COL5A3: variants seen among roughly 807,000 people sequenced by gnomAD.
The protein encoded by COL5A3 is collagen alpha-3(V) chain.
In COL5A3, 172 loss-of-function variants were observed where a neutral mutation model predicts 250.0. The ratio of observed to expected loss-of-function variants is 0.69; its 90% CI spans 0.61 to 0.78. COL5A3 has a LOEUF of 0.78. COL5A3 is among the 30% of genes least tolerant of loss of function. The pLI is 0.00. For synonymous variants in COL5A3, 937 were observed against 900.4 expected, an observed-to-expected ratio of 1.04 and a Z score of -0.73; for missense variants, 2,340 against 2,334.4, an observed-to-expected ratio of 1.00 and a Z score of -0.05.
intron 11 of COL5A3, 166 bp downstream of exon 11, chr19:9,997,205 C>A (rs1024296842): frequency 1.5e-6 from 1 of 665,928 alleles, no homozygotes; most frequent in Non-Finnish European, 2.7e-6. Context: ...CAAGGTGAAC[C>A]AGAGAAATAG....
At chr19:9,981,032 T>C in intron 33 of COL5A3, 56 bp downstream of exon 33, 1 of 1,587,006 alleles carries the variant, frequency 6.3e-7, no homozygotes, top group South Asian at 1.1e-5. Context: ...CTACCTTTCC[T>C]TCCCAGCCCT....
chr19:10,008,865 T>C (rs932583530), intron 1 of COL5A3, among the ~76,000 whole-genome samples: 4 of 151,432 alleles, frequency 2.6e-5, no homozygotes, highest in Admixed American at 2.6e-4. Context: ...AGTGGGTGAG[T>C]GGGTGATGGG....
chr19:10,003,690 G>A lies in COL5A3; in HGVS notation c.724C>T (p.Pro242Ser), dbSNP rs1265600672. 2 of 1,614,148 alleles carry A rather than the reference G, an allele frequency of 1.2e-6. No homozygotes were observed. The highest frequency in any genetic ancestry group is 1.7e-6 in the Non-Finnish European group (2 of 1,180,030). Residue 242 changes from proline to serine, a missense_variant, in exon 6 of 67, where the codon CCT (proline) becomes TCT (serine). This residue lies in a region of COL5A3 where 1,152 missense variants were observed against 1,146.3 expected (regional missense o/e 1.00). Transcript: ENST00000264828. ...TVAPQGEPET[P>S]RPRRKGKGKG... ...CCCTTCCCCTTCCGCCGAGGACGAG[G>A]GGTTTCTGGTTCACCCTGGGGAGCC...
In COL5A3 at chr19:9,965,491, T is replaced by A. The variant is rs12610855; in HGVS notation, c.4782+823A>T. On this transcript the variant is annotated intron_variant, in intron 64 of 66. Transcript: ENST00000264828. ...TTTTTCTAGGCGGAGTCTCACTCTG[T>A]CACCCAGGCTGGAGTGCCATGGTGC... Among the ~76,000 whole-genome samples the A allele has an allele frequency of 3.3e-4, 48 of 144,300 alleles. No homozygotes were observed. In the East Asian group the frequency reaches 6.8e-3, roughly 20 times the overall value. 94.7% of individuals were successfully genotyped at this position (144,300 alleles called of 152,430 possible).
At position 10,001,584 on chromosome 19, in the gene COL5A3, G is replaced by A; in HGVS notation, c.1050C>T (p.Thr350=). The A allele has an allele frequency of 6.2e-7, 1 of 1,614,098 alleles. No individual in the cohort carries two copies. Among genetic ancestry groups the A allele is most frequent in the Non-Finnish European group, 8.5e-7 (1 of 1,180,010 alleles). The part of the protein sequence containing the change: ...AREDEEGDDS[T]MGPDFRAAEY... ...CTGCTGCCCGGAAGTCAGGGCCCAT[G>A]GTGGAATCATCTCCTTCTTCATCCT... Residue 350 remains threonine (T), a synonymous_variant, in exon 8 of 67, where the codon ACC becomes ACT. Transcript: ENST00000264828.
rs1453649792 is a variant in COL5A3 at position 9,978,644 on chromosome 19, T to C, written c.2965-17A>G. 3 of 1,537,806 alleles carry C rather than the reference T, an allele frequency of 2.0e-6. No homozygotes were observed. The Admixed American group carries it at 6.4e-5, about 33-fold the overall frequency. On this transcript the variant is annotated splice_polypyrimidine_tract_variant and intron_variant, in intron 40 of 66. Transcript: ENST00000264828. Reference sequence around the variant, plus strand: ...AGTAGGTCCCTGAAGGAGGAGATAATTCACAGTTAAGAGACTCCCAAAGGT... The same window carrying C: ...AGTAGGTCCCTGAAGGAGGAGATAACTCACAGTTAAGAGACTCCCAAAGGT...
Position 9,960,470 on chromosome 19 carries a change from A to G in COL5A3, c.5179T>C (p.Phe1727Leu), listed in dbSNP as rs1157998859. 1 of 1,614,208 alleles carries G rather than the reference A, an allele frequency of 6.2e-7. No individual in the cohort carries two copies. The highest frequency in any genetic ancestry group is 8.5e-7 in the Non-Finnish European group (1 of 1,180,044). The change falls in exon 67 of 67, where the codon TTT (phenylalanine) becomes CTT (leucine). Residue 1727 changes from phenylalanine to leucine, a missense_variant. This residue lies in a region of COL5A3 where 1,179 missense variants were observed against 1,162.6 expected (regional missense o/e 1.01). Transcript: ENST00000264828. ...LPLWDVAATD[F>L]GQTNQKFGFE... Reference sequence around the variant, plus strand: ...CCAAACTTTTGGTTCGTCTGGCCAAAGTCAGTGGCCGCCACATCCCACAGG... The same window carrying G: ...CCAAACTTTTGGTTCGTCTGGCCAAGGTCAGTGGCCGCCACATCCCACAGG...
At position 10,001,764 on chromosome 19, in the gene COL5A3, CA is replaced by C; in HGVS notation, c.963+3del. On this transcript the variant is annotated splice_donor_region_variant and intron_variant, in intron 7 of 66. Transcript: ENST00000264828. ...GGGTCTCCCCTCTTCCATCCCCATC[CA>C]ACCTCTAGGATCGTGGCATTGAGTC... 6.2e-7 allele frequency: 1 copy of C among 1,613,908 alleles called. No homozygotes were observed. The highest frequency in any genetic ancestry group is 1.1e-5 in the South Asian group (1 of 91,062).
chr19:9,980,865 C>CAAA lies in COL5A3; in HGVS notation c.2506-9_2506-7dup. 7.3e-7 allele frequency: 1 copy of CAAA among 1,360,766 alleles called. No individual in the cohort carries two copies. The highest frequency in any genetic ancestry group is 2.2e-5 in the Admixed American group (1 of 45,902). The allele number at this position is 1,360,766 out of a possible 1,614,324, so 84.3% of individuals were successfully genotyped here. ...CCCCTCTCTCCACGGGAACCCTGAACAAAAAAAAAAGGCAAAGATCAGATA... is the reference window on the plus strand; with the variant it reads ...CCCCTCTCTCCACGGGAACCCTGAACAAAAAAAAAAAAAGGCAAAGATCAGATA... On this transcript the variant is annotated splice_polypyrimidine_tract_variant and splice_region_variant and intron_variant, in intron 33 of 66. Coordinates refer to ENST00000264828, the MANE Select transcript of COL5A3 (RefSeq NM_015719.4).
chr19:9,993,140 GC>G, intron 19 of COL5A3, 73 bp from the exon 20 acceptor site: 1 of 1,502,114 alleles, frequency 6.7e-7, no homozygotes, highest in African/African-American at 1.4e-5. Context: ...CATCTGGGCA[GC>G]CCCTTCCAGG....
At chr19:9,983,913 T>TA (rs566711383) in intron 31 of COL5A3, among the ~76,000 whole-genome samples, 2,229 of 129,430 alleles carry the variant, frequency 0.017, 31 homozygotes, top group East Asian at 0.086. Context: ...ACTGAAAAAA[T>TA]AAAAAAAAAA....
In COL5A3 at chr19:9,978,925, C is replaced by T; in HGVS notation, c.2930G>A (p.Gly977Asp). 6.6e-7 allele frequency: 1 copy of T among 1,515,244 alleles called. No homozygotes were observed. The highest frequency in any genetic ancestry group is 8.8e-7 in the Non-Finnish European group (1 of 1,134,244). The allele number at this position is 1,515,244 out of a possible 1,614,324, so 93.9% of individuals were successfully genotyped here. A position where few individuals can be genotyped will look rare whatever the true frequency, so the allele number is the denominator to read the frequency against. ...AGGGCCCCCTTTGGGGCCGGGAAAGCCCCTGAGTCCAGCTGGCCCTTCTTT... is the reference window on the plus strand; with the variant it reads ...AGGGCCCCCTTTGGGGCCGGGAAAGTCCCTGAGTCCAGCTGGCCCTTCTTT... ...LGKEGPAGLR[G>D]FPGPKGGPGD... The change falls in exon 40 of 67, where the codon GGC becomes GAC. Residue 977 changes from glycine to aspartate, a missense_variant. Physicochemically the swap from Gly to Asp is moderately conservative, Grantham distance 94. This residue lies in a region of COL5A3 where 1,179 missense variants were observed against 1,162.6 expected (regional missense o/e 1.01). Coordinates refer to ENST00000264828, the MANE Select transcript of COL5A3 (RefSeq NM_015719.4).
intron 41 of COL5A3, 42 bp downstream of exon 41, chr19:9,978,532 C>A: frequency 1.5e-6 from 2 of 1,367,792 alleles, no homozygotes; most frequent in Non-Finnish European, 2.1e-6. Flanking sequence ...ACCTTGAGTC[C>A]CCTCCACCCT....
chr19:9,968,714 G>T lies in COL5A3; in HGVS notation c.4167C>A (p.Leu1389=). ...GGCCAGTGTCTCCCTTCAGCCCTGG[G>T]AGGCCAGAGGGCCCCTGGGAGAAGA... The part of the protein sequence containing the change: ...GPPGPLGPSG[L]PGLKGDTGPK... The change falls in exon 58 of 67, where the codon CTC becomes CTA. Residue 1389 remains leucine (L), a synonymous_variant. Transcript: ENST00000264828. The surrounding 1 kb of genome is among the most constrained non-coding windows in gnomAD (Gnocchi z 4.1). 6.2e-7 allele frequency: 1 copy of T among 1,605,848 alleles called. No individual in the cohort carries two copies.
At chr19:9,986,469 G>A (rs2087101753) in intron 29 of COL5A3, 47 bp from the exon 30 acceptor site, 1 of 1,607,086 alleles carries the variant, frequency 6.2e-7, no homozygotes, top group Non-Finnish European at 8.5e-7. Context: ...TGTCCTTCCT[G>A]CTCTGTCTAG....
intron 54 of COL5A3, 81 bp from the exon 55 acceptor site, chr19:9,970,003 G>A: frequency 9.5e-7 from 1 of 1,048,008 alleles, no homozygotes; most frequent in Non-Finnish European, 1.5e-6. Context: ...TGACTGGGGG[G>A]TTATGGATGA....
Position 9,968,998 on chromosome 19 carries a change from A to G in COL5A3, c.4153-270T>C, listed in dbSNP as rs1002923699. On this transcript the variant is annotated intron_variant, in intron 57 of 66. Coordinates refer to ENST00000264828, the MANE Select transcript of COL5A3 (RefSeq NM_015719.4). This position sits in a 1 kb window ranked among gnomAD's most constrained non-coding sequence, Gnocchi z 4.1. The stretch of plus-strand genomic sequence containing the variant: ...ATTAAGATGGAGAGTCAGTGCAGGC[A>G]TCAAGATGAAGGGTCAGTGTGGTCA... The G allele has an allele frequency of 3.4e-6, 2 of 587,422 alleles. No individual in the cohort carries two copies. Among genetic ancestry groups the G allele is most frequent in the Non-Finnish European group, 6.0e-6 (2 of 334,712 alleles). 36.4% of individuals were successfully genotyped at this position (587,422 alleles called of 1,614,324 possible). A position where few individuals can be genotyped will look rare whatever the true frequency, so the allele number is the denominator to read the frequency against.
At chr19:10,005,767 G>C (rs751178874) in intron 3 of COL5A3, 29 bp downstream of exon 3, 1 of 1,599,500 alleles carries the variant, frequency 6.3e-7, no homozygotes, top group Non-Finnish European at 8.5e-7. Context: ...CCTTATCCAC[G>C]GACCCCCGCC....
rs755660153 is a variant in COL5A3, at chr19:9,967,329, G to C, written c.4458+18C>G. The stretch of plus-strand genomic sequence containing the variant: ...CCCAGGTTTTGGTGTCCATTCCCCC[G>C]CCCCCCGGGGAACTCACCGGGGGGC... On this transcript the variant is annotated intron_variant, in intron 62 of 66. Coordinates refer to ENST00000264828, the MANE Select transcript of COL5A3 (RefSeq NM_015719.4). 5.7e-6 allele frequency: 8 copies of C among 1,414,004 alleles called. No individual in the cohort carries two copies. The highest frequency in any genetic ancestry group is 1.7e-5 in the South Asian group (1 of 58,224). 87.6% of individuals were successfully genotyped at this position (1,414,004 alleles called of 1,614,324 possible).
Sources: gnomAD v4.1 joint callset for allele counts (sites outside exome capture counted in the v4.1 genomes callset) on GRCh38, gnomAD v4.1.1 for gene constraint, gnomAD v4.1.1 regional missense constraint, Gnocchi (gnomAD v3.1) non-coding constraint, MANE v1.5 for transcripts, NCBI Gene and HGNC (gene_info 2026-07-23, HGNC 2026-07-21) for gene names.